Variants in C5 observed in about 807,000 individuals in gnomAD.
C5 encodes the protein C3 and PZP-like alpha-2-macroglobulin domain-containing protein 4.
Under a neutral mutation model 218.8 loss-of-function variants are expected in C5, and 140 were observed. That is an observed-to-expected ratio of 0.64 (90% CI 0.56 to 0.74). The LOEUF (loss-of-function observed/expected upper bound fraction) is 0.74. Ranked by LOEUF, C5 falls within the 30% of genes least tolerant of loss-of-function variation. The probability of loss-of-function intolerance (pLI) is 0.00; values close to 1 mark genes in which losing one functional copy is unlikely to be tolerated. For missense variants in C5, 1,700 were observed against 1,969.6 expected (o/e 0.86, Z 2.59); for synonymous variants, 614 against 682.3 (o/e 0.90, Z 1.56).
intron 37 of C5, among the ~76,000 whole-genome samples, chr9:120,960,660 T>C (rs987498667): frequency 2.6e-5 from 4 of 152,194 alleles, no homozygotes; most frequent in Admixed American, 2.0e-4. Context: ...TTATGAAATT[T>C]TTCTTGTGAT....
chr9:120,975,066 A>G (rs1239818567), intron 29 of C5, 135 bp from the exon 30 acceptor site: 18 of 932,368 alleles, frequency 1.9e-5, no homozygotes, highest in Non-Finnish European at 1.2e-5. Context: ...AAGACTGGTT[A>G]AGAGCCCCAT....
At chr9:121,055,005 ACTTTAAGC>A (rs2047691312), upstream of C5, among the ~76,000 whole-genome samples, 1 of 152,010 alleles carries the variant, frequency 6.6e-6, no homozygotes, top group African/African-American at 2.4e-5. Context: ...CTTACTATTG[ACTTTAAGC>A]CTTTAGACAA....
chr9:121,018,045 G>T (rs1019946060), intron 12 of C5, among the ~76,000 whole-genome samples, 193 bp from the exon 13 acceptor site: 1 of 151,350 alleles, frequency 6.6e-6, no homozygotes, highest in East Asian at 2.0e-4. Context: ...TTGAGGCCAG[G>T]AGTTCAAGAC....
intron 12 of C5, among the ~76,000 whole-genome samples, chr9:121,018,056 C>A (rs1381173686): frequency 6.6e-6 from 1 of 151,510 alleles, no homozygotes; most frequent in Non-Finnish European, 1.5e-5. Context: ...AGTTCAAGAC[C>A]AGCCTGGCCA....
Position 121,020,160 on chromosome 9 carries a change from T to C in C5, c.1322A>G (p.Asp441Gly). 1 of 1,613,962 alleles carries C rather than the reference T, an allele frequency of 6.2e-7. No individual in the cohort carries two copies. The highest frequency in any genetic ancestry group is 8.5e-7 in the Non-Finnish European group (1 of 1,179,846). Residue 441 changes from aspartate (D) to glycine (G), a missense_variant, in exon 12 of 41, where the codon GAT becomes GGT. Coordinates refer to ENST00000223642, the MANE Select transcript of C5 (RefSeq NM_001735.3). ...LEFNVKTDAP[D>G]LPEENQAREG... is the part of the protein sequence containing the mutation. The stretch of plus-strand genomic sequence containing the variant: ...CCTGGCCTGATTTTCTTCTGGAAGA[T>C]CTGGAGCATCAGTTTTGACCTGAAA...
Position 120,996,302 on chromosome 9 carries a change from T to TA in C5, c.2791-3dup. The TA allele has an allele frequency of 6.2e-7, 1 of 1,611,458 alleles. No individual in the cohort carries two copies. The highest frequency in any genetic ancestry group is 8.5e-7 in the Non-Finnish European group (1 of 1,177,640). ...GCTTTCCCTTTTGACACCTTCTGGC[T>TA]AAAATAAAGGCAGAAAACATTCAGT... On this transcript the variant is annotated splice_polypyrimidine_tract_variant and splice_region_variant and intron_variant, in intron 21 of 40. Coordinates refer to ENST00000223642, the MANE Select transcript of C5 (RefSeq NM_001735.3).
At chr9:120,984,773 G>A (rs2047021104) in intron 25 of C5, among the ~76,000 whole-genome samples, 1 of 141,024 alleles carries the variant, frequency 7.1e-6, no homozygotes, top group East Asian at 2.1e-4. Flanking sequence ...CCAGGCTGGA[G>A]TGCAATGGCG....
At chr9:121,074,837 C>T in the C5 span, 8 of 456,278 alleles carry the variant, frequency 1.8e-5, no homozygotes, top group East Asian at 4.9e-4. Context: ...TCCCCGGCAT[C>T]CTAGCGCGCT....
Position 121,046,300 on chromosome 9 carries a change from A to G in C5, c.149T>C (p.Phe50Ser), listed in dbSNP as rs2047627038. The G allele has an allele frequency of 1.2e-6, 2 of 1,609,908 alleles. No individual in the cohort carries two copies. Among genetic ancestry groups the G allele is most frequent in the Non-Finnish European group, 1.7e-6 (2 of 1,176,426 alleles). The change falls in exon 2 of 41, where the codon TTT (phenylalanine) becomes TCT (serine). Residue 50 changes from phenylalanine to serine, a missense_variant. Transcript: ENST00000223642. ...ACTTTTAATAGAGATTGTTGCATCAAATGCTTCAGTGTATCCATAAACTTG... is the reference window on the plus strand; with the variant it reads ...ACTTTTAATAGAGATTGTTGCATCAGATGCTTCAGTGTATCCATAAACTTG... ...VIQVYGYTEA[F>S]DATISIKSYP...
At chr9:121,026,602 C>G (rs548355272) in intron 8 of C5, among the ~76,000 whole-genome samples, 1 of 152,100 alleles carries the variant, frequency 6.6e-6, no homozygotes, top group African/African-American at 2.4e-5. Flanking sequence ...CTAGTAAACA[C>G]CAGTAGCAAC....
chr9:121,063,537 T>C, the C5 span, among the ~76,000 whole-genome samples: 2 of 152,148 alleles, frequency 1.3e-5, no homozygotes, highest in African/African-American at 4.8e-5. Flanking sequence ...GTTTTTATTA[T>C]ATCTTTTCCT....
chr9:121,065,269 G>C, the C5 span, among the ~76,000 whole-genome samples: 1 of 152,066 alleles, frequency 6.6e-6, no homozygotes, highest in Non-Finnish European at 1.5e-5. Flanking sequence ...TATAAATTTT[G>C]GATAGTCAGG....
intron 29 of C5, 93 bp downstream of exon 29, chr9:120,976,607 T>C: frequency 4.0e-6 from 4 of 993,294 alleles, no homozygotes; most frequent in Non-Finnish European, 6.5e-6. Context: ...TGCATGCTCA[T>C]TTGGTGGACA....
At position 120,991,181 on chromosome 9, in the gene C5, G is replaced by C. The variant is rs2047074324; in HGVS notation, c.2941+10C>G. On this transcript the variant is annotated intron_variant, in intron 23 of 40. Coordinates refer to ENST00000223642, the MANE Select transcript of C5 (RefSeq NM_001735.3). ...GAAATGAGAAATAAAAATGGCATTT[G>C]TTAATTTACCTTTTACACTCAAAAT... 1 of 1,485,362 alleles carries C rather than the reference G, an allele frequency of 6.7e-7. No homozygotes were observed. Among genetic ancestry groups the C allele is most frequent in the Non-Finnish European group, 9.4e-7 (1 of 1,063,042 alleles). The allele number at this position is 1,485,362 out of a possible 1,614,324, so 92.0% of individuals were successfully genotyped here. A position where few individuals can be genotyped will look rare whatever the true frequency, so the allele number is the denominator to read the frequency against.
chr9:120,982,433 G>C (rs1185455666), intron 26 of C5, among the ~76,000 whole-genome samples: 3 of 152,192 alleles, frequency 2.0e-5, no homozygotes, highest in South Asian at 2.1e-4. Flanking sequence ...CCCGTTAAAC[G>C]AGAGGTCTAA....
rs1349852391 is a variant in C5, at chr9:120,960,334, T to C, written c.4592A>G (p.Asp1531Gly). 3.7e-6 allele frequency: 6 copies of C among 1,610,718 alleles called. No individual in the cohort carries two copies. The African/African-American group carries it at 6.7e-5, about 18-fold the overall frequency. ...EGAACKCVEA[D>G]CGQMQEELDL... ...CAATTCTTCCTGCATTTGCCCACAATCAGCTGGATTTTGTGAAAATTGGTA... is the reference window on the plus strand; with the variant it reads ...CAATTCTTCCTGCATTTGCCCACAACCAGCTGGATTTTGTGAAAATTGGTA... Residue 1531 changes from aspartate to glycine, a missense_variant, in exon 38 of 41, where the codon GAT becomes GGT. By Grantham distance (94) the Asp-to-Gly change is moderately conservative (BLOSUM62 -1). Coordinates refer to ENST00000223642, the MANE Select transcript of C5 (RefSeq NM_001735.3).
At chr9:120,993,426 T>C (rs1042026074) in intron 22 of C5, among the ~76,000 whole-genome samples, 1 of 152,030 alleles carries the variant, frequency 6.6e-6, no homozygotes, top group African/African-American at 2.4e-5. Context: ...TAGAGTTATA[T>C]ATATATATAT....
chr9:120,956,570 A>G (rs988639379), intron 39 of C5, among the ~76,000 whole-genome samples: 1 of 152,256 alleles, frequency 6.6e-6, no homozygotes, highest in African/African-American at 2.4e-5. Context: ...TAATATTCAT[A>G]TGGAACAAAG....
In C5 at chr9:120,981,934, G is replaced by A. The variant is rs2131697785; in HGVS notation, c.3396C>T (p.Thr1132=). The A allele has an allele frequency of 1.9e-6, 3 of 1,611,696 alleles. No homozygotes were observed. The highest frequency in any genetic ancestry group is 2.5e-6 in the Non-Finnish European group (3 of 1,177,886). ...TGTTCTCTCGGGCTTCAACAGGCAA[G>A]GTACCCTAAAAAGAAGCAATGTTTT... ...SQYQPIKLQG[T]LPVEARENSL... is the part of the protein sequence containing the mutation. Residue 1132 remains threonine, a synonymous_variant, in exon 27 of 41, where the codon ACC becomes ACT. Transcript: ENST00000223642.
Sources: gnomAD v4.1 joint callset for allele counts (sites outside exome capture counted in the v4.1 genomes callset) on GRCh38, gnomAD v4.1.1 for gene constraint, MANE v1.5 for transcripts, NCBI Gene and HGNC (gene_info 2026-07-23, HGNC 2026-07-21) for gene names.